Variants in NRXN1 observed in about 807,000 individuals in gnomAD.
The protein encoded by NRXN1 is neurexin 1, also known as neurexin-1.
Under a neutral mutation model 150.9 loss-of-function variants are expected in NRXN1, and 39 were observed. That is an observed-to-expected ratio of 0.26 (90% CI 0.20 to 0.34). The LOEUF (loss-of-function observed/expected upper bound fraction) is 0.34, where lower values mean the gene tolerates loss of function less well. Among genes scored for constraint, NRXN1 ranks in the 10% least tolerant of loss-of-function variants. The pLI, the probability that NRXN1 is intolerant of heterozygous loss-of-function variation, is 1.00. For synonymous variants in NRXN1, 924 were observed against 757.0 expected (o/e 1.22, Z -3.62); for missense variants, 1,815 against 1,949.9 (o/e 0.93, Z 1.30).
intron 18 of NRXN1, among the ~76,000 whole-genome samples, chr2:50,172,546 A>C: frequency 1.3e-5 from 2 of 152,060 alleles, no homozygotes; most frequent in Non-Finnish European, 2.9e-5. Context: ...AAAAAAGAAA[A>C]AAATTATAAA....
intron 21 of NRXN1, among the ~76,000 whole-genome samples, chr2:50,042,999 T>A (rs1204222569): frequency 1.3e-5 from 2 of 151,958 alleles, no homozygotes; most frequent in African/African-American, 2.4e-5. Context: ...AAGGAGGAAA[T>A]AGGAACACTG....
chr2:50,036,167 C>T (rs7562931), intron 21 of NRXN1, among the ~76,000 whole-genome samples: 131,692 of 152,120 alleles, frequency 0.87, 57,150 homozygotes, highest in African/African-American at 0.92. Flanking sequence ...AGAGACCAGG[C>T]GGAGGTAACT....
At chr2:50,785,556 C>T (rs4507132) in intron 5 of NRXN1, among the ~76,000 whole-genome samples, 2 of 152,056 alleles carry the variant, frequency 1.3e-5, no homozygotes. Context: ...CCCCACACTT[C>T]TGTATTTTAA....
chr2:51,000,553 A>C (rs1479056730), intron 2 of NRXN1, among the ~76,000 whole-genome samples: 3 of 151,412 alleles, frequency 2.0e-5, no homozygotes, highest in African/African-American at 7.3e-5. Context: ...CAAAAAAAAC[A>C]GGTAAAAAAT....
At chr2:50,946,414 T>A (rs1690401565) in intron 2 of NRXN1, among the ~76,000 whole-genome samples, 1 of 152,176 alleles carries the variant, frequency 6.6e-6, no homozygotes, top group Admixed American at 6.6e-5. Context: ...CCCAAATGTG[T>A]ATCTATTGAG....
chr2:50,910,236 T>C (rs928786886), intron 5 of NRXN1, among the ~76,000 whole-genome samples: 1 of 152,026 alleles, frequency 6.6e-6, no homozygotes, highest in Non-Finnish European at 1.5e-5. Context: ...AAGTTAGTTG[T>C]TTCCTTTGAA....
chr2:50,805,016 C>G (rs1171816763), intron 5 of NRXN1, among the ~76,000 whole-genome samples: 1 of 152,128 alleles, frequency 6.6e-6, no homozygotes, highest in East Asian at 1.9e-4. Flanking sequence ...TTTTTGTAGC[C>G]TCTTTGTGCC....
chr2:50,816,209 T>C (rs950327368), intron 5 of NRXN1, among the ~76,000 whole-genome samples: 1 of 152,166 alleles, frequency 6.6e-6, no homozygotes, highest in African/African-American at 2.4e-5. Context: ...AGTACTCACA[T>C]GGCCATTATC....
At chr2:50,286,776 T>C (rs1248501473) in intron 17 of NRXN1, among the ~76,000 whole-genome samples, 1 of 152,128 alleles carries the variant, frequency 6.6e-6, no homozygotes. Flanking sequence ...CTCATAAATA[T>C]ATAGAAATTC....
At chr2:50,568,394 T>C (rs946779352) in intron 8 of NRXN1, among the ~76,000 whole-genome samples, 1 of 152,076 alleles carries the variant, frequency 6.6e-6, no homozygotes, top group African/African-American at 2.4e-5. Flanking sequence ...AAACTATCCA[T>C]CTGACAAGGG....
intron 2 of NRXN1, among the ~76,000 whole-genome samples, chr2:50,944,809 A>T (rs375839670): frequency 2.0e-5 from 3 of 152,208 alleles, no homozygotes; most frequent in Non-Finnish European, 4.4e-5. Flanking sequence ...AGCAATAATT[A>T]ACCCTGTGCT....
chr2:50,552,547 G>A (rs754193842), intron 9 of NRXN1, 40 bp downstream of exon 9: 28 of 1,477,406 alleles, frequency 1.9e-5, no homozygotes, highest in Middle Eastern at 1.7e-4. Flanking sequence ...TGGGTGGGGT[G>A]CTCCAGCAGA....
chr2:50,835,585 C>T (rs1160533131), intron 5 of NRXN1, among the ~76,000 whole-genome samples: 1 of 152,032 alleles, frequency 6.6e-6, no homozygotes, highest in South Asian at 2.1e-4. Context: ...ATGACATTTG[C>T]TTTGAGAATA....
chr2:50,849,695 T>C (rs1674224262), intron 5 of NRXN1, among the ~76,000 whole-genome samples: 1 of 152,190 alleles, frequency 6.6e-6, no homozygotes, highest in Non-Finnish European at 1.5e-5. Context: ...GGATAACTTC[T>C]CTTTGATACA....
chr2:50,796,128 G>C (rs1453066724), intron 5 of NRXN1, among the ~76,000 whole-genome samples: 1 of 152,052 alleles, frequency 6.6e-6, no homozygotes, highest in African/African-American at 2.4e-5. Context: ...AAATAGGCTT[G>C]GTCTGGTTGC....
chr2:50,776,679 T>C (rs554256345), intron 5 of NRXN1, among the ~76,000 whole-genome samples: 66 of 146,766 alleles, frequency 4.5e-4, no homozygotes, highest in South Asian at 1.7e-3. Context: ...CACACACACA[T>C]ACATACTTAT....
At chr2:50,437,819 G>C (rs1007355168) in intron 17 of NRXN1, among the ~76,000 whole-genome samples, 1 of 151,954 alleles carries the variant, frequency 6.6e-6, no homozygotes, top group Admixed American at 6.6e-5. Flanking sequence ...ATAATGTCTG[G>C]GTGAAATGCT....
rs555794475 is a variant in NRXN1 at position 50,978,773 on chromosome 2, T to A, written c.772+48729A>T. 1.5e-4 allele frequency among the ~76,000 whole-genome samples: 23 copies of A among 152,150 alleles called. No individual in the cohort carries two copies. In the South Asian group the frequency reaches 4.8e-3, roughly 32 times the overall value. On this transcript the variant is annotated intron_variant, in intron 2 of 22. Transcript: ENST00000401669. The stretch of plus-strand genomic sequence containing the variant: ...TCACACTTCTTTGTGCTTTTCCCCA[T>A]GAATTATGATAACGAGAAAACATGC...
At chr2:50,764,863 T>G (rs969663812) in intron 5 of NRXN1, among the ~76,000 whole-genome samples, 3 of 152,014 alleles carry the variant, frequency 2.0e-5, no homozygotes, top group African/African-American at 7.2e-5. Context: ...GTGTAAATAA[T>G]GAAAATAAAT....
Sources: gnomAD v4.1 joint callset for allele counts (sites outside exome capture counted in the v4.1 genomes callset) on GRCh38, gnomAD v4.1.1 for gene constraint, MANE v1.5 for transcripts, NCBI Gene and HGNC (gene_info 2026-07-23, HGNC 2026-07-21) for gene names.